Variants in HCN1 observed in about 807,000 individuals in gnomAD.
The protein encoded by HCN1 is potassium/sodium hyperpolarization-activated cyclic nucleotide-gated channel 1.
HCN1 carries 13 observed loss-of-function variants against 78.9 expected under a neutral mutation model. That is an observed-to-expected ratio of 0.16 (90% CI 0.11 to 0.26). The LOEUF is 0.26. Ranked by LOEUF, HCN1 falls within the 10% of genes least tolerant of loss-of-function variation. The pLI, the probability that HCN1 is intolerant of heterozygous loss-of-function variation, is 1.00. For missense variants in HCN1, 810 were observed against 1,154.3 expected (o/e 0.70, Z 4.32); for synonymous variants, 552 against 455.5 (o/e 1.21, Z -2.70).
intron 5 of HCN1, among the ~76,000 whole-genome samples, chr5:45,320,722 T>A (rs1746107253): frequency 6.6e-6 from 1 of 151,872 alleles, no homozygotes; most frequent in Admixed American, 6.6e-5. Context: ...TTTGTTTTTT[T>A]GAGTTATATA....
intron 2 of HCN1, among the ~76,000 whole-genome samples, chr5:45,523,583 T>A (rs1320723595): frequency 2.0e-5 from 3 of 152,148 alleles, no homozygotes; most frequent in Non-Finnish European, 2.9e-5. Flanking sequence ...CTCATTGTGG[T>A]TTTGATTTGC....
chr5:45,640,458 C>G (rs1314826155), intron 2 of HCN1, among the ~76,000 whole-genome samples: 3 of 151,966 alleles, frequency 2.0e-5, no homozygotes, highest in Admixed American at 6.6e-5. Context: ...CATTAGTAAC[C>G]AAATTATCAT....
chr5:45,287,358 A>C (rs1745288876), intron 6 of HCN1, among the ~76,000 whole-genome samples: 1 of 152,006 alleles, frequency 6.6e-6, no homozygotes, highest in South Asian at 2.1e-4. Context: ...AAATTTACAA[A>C]AATGTTTATG....
At chr5:45,432,744 C>A (rs1163967286) in intron 3 of HCN1, among the ~76,000 whole-genome samples, 1 of 151,948 alleles carries the variant, frequency 6.6e-6, no homozygotes, top group Admixed American at 6.6e-5. Flanking sequence ...GAGATAATCA[C>A]GTGGTTCTTG....
At chr5:45,479,022 G>C (rs923667545) in intron 2 of HCN1, among the ~76,000 whole-genome samples, 3 of 151,926 alleles carry the variant, frequency 2.0e-5, no homozygotes, top group Admixed American at 6.6e-5. Context: ...ACAGGAGGCT[G>C]AGACTGGAGA....
intron 2 of HCN1, among the ~76,000 whole-genome samples, chr5:45,521,518 T>A (rs1742614340): frequency 6.6e-6 from 1 of 152,000 alleles, no homozygotes; most frequent in Non-Finnish European, 1.5e-5. Context: ...GATGGCATTA[T>A]GTCTTTTCAT....
chr5:45,336,621 C>T (rs978224108), intron 5 of HCN1, among the ~76,000 whole-genome samples: 1 of 151,996 alleles, frequency 6.6e-6, no homozygotes, highest in African/African-American at 2.4e-5. Flanking sequence ...CTAGGTAGAA[C>T]CGGTGTAGCA....
At chr5:45,295,990 C>A (rs1309955270) in intron 6 of HCN1, among the ~76,000 whole-genome samples, 1 of 151,940 alleles carries the variant, frequency 6.6e-6, no homozygotes, top group Non-Finnish European at 1.5e-5. Context: ...TGTTGATATT[C>A]AAAGTAATGT....
At chr5:45,620,679 A>G (rs1056724233) in intron 2 of HCN1, among the ~76,000 whole-genome samples, 1 of 152,010 alleles carries the variant, frequency 6.6e-6, no homozygotes, top group Non-Finnish European at 1.5e-5. Flanking sequence ...AGCAAATCTC[A>G]GCAAAATTCC....
intron 1 of HCN1, among the ~76,000 whole-genome samples, chr5:45,679,399 T>C (rs1739659774): frequency 6.6e-6 from 1 of 152,084 alleles, no homozygotes; most frequent in Non-Finnish European, 1.5e-5. Flanking sequence ...TCACTGACTG[T>C]GTTGCCTTTC....
chr5:45,686,173 G>A (rs1161987685), intron 1 of HCN1, among the ~76,000 whole-genome samples: 2 of 150,860 alleles, frequency 1.3e-5, no homozygotes, highest in Non-Finnish European at 2.9e-5. Context: ...CTAAGGTGGT[G>A]AAGCTCAGAT....
intron 4 of HCN1, among the ~76,000 whole-genome samples, chr5:45,377,754 G>A (rs1216696029): frequency 2.0e-5 from 3 of 151,972 alleles, no homozygotes; most frequent in Non-Finnish European, 4.4e-5. Flanking sequence ...GTGACTGGGT[G>A]TTACTATAAA....
intron 5 of HCN1, among the ~76,000 whole-genome samples, chr5:45,343,405 T>A (rs147868904): frequency 2.1e-3 from 324 of 152,202 alleles, no homozygotes; most frequent in African/African-American, 7.6e-3. Context: ...AAGGGAACAG[T>A]GAAAATAGTC....
At chr5:45,398,689 G>A (rs1290087903) in intron 3 of HCN1, among the ~76,000 whole-genome samples, 1 of 152,114 alleles carries the variant, frequency 6.6e-6, no homozygotes, top group Admixed American at 6.6e-5. Flanking sequence ...AATTTAAAAT[G>A]CCTGTTTATA....
chr5:45,294,623 G>C (rs151035487), intron 6 of HCN1, among the ~76,000 whole-genome samples: 1 of 151,872 alleles, frequency 6.6e-6, no homozygotes. Flanking sequence ...TAAAATCAAA[G>C]TATTGGTACA....
chr5:45,332,962 T>C lies in HCN1; in HGVS notation c.1377+20138A>G, dbSNP rs1465265701. ...GCTGCAACAAACATGGAAGTGCAGATATCTCTCTGATATCTCATTTCCTTT... is the reference window on the plus strand; with the variant it reads ...GCTGCAACAAACATGGAAGTGCAGACATCTCTCTGATATCTCATTTCCTTT... On this transcript the variant is annotated intron_variant, in intron 5 of 7. Transcript: ENST00000303230. Among the ~76,000 whole-genome samples the C allele has an allele frequency of 4.6e-5, 7 of 151,772 alleles. No individual in the cohort carries two copies. In the East Asian group the frequency reaches 1.4e-3, roughly 29 times the overall value.
At chr5:45,519,048 C>T (rs1369358145) in intron 2 of HCN1, among the ~76,000 whole-genome samples, 2 of 151,320 alleles carry the variant, frequency 1.3e-5, no homozygotes, top group Non-Finnish European at 2.9e-5. Context: ...AGCTGATTGC[C>T]AGAACAAAAA....
rs1028624598 is a variant in HCN1, at chr5:45,258,553, T to G, written c.*3368A>C. 5.9e-5 allele frequency: 9 copies of G among 152,120 alleles called. No homozygotes were observed. Among genetic ancestry groups the G allele is most frequent in the Non-Finnish European group, 1.0e-4 (7 of 67,974 alleles). The allele number at this position is 152,120 out of a possible 1,614,324, so 9.4% of individuals were successfully genotyped here. ...GTTTTCAGGAATGCTTCACTACTTA[T>G]TCTCATTATGATAAACTCTATCTCA... On this transcript the variant is annotated 3_prime_UTR_variant, in exon 8 of 8. Transcript: ENST00000303230.
At chr5:45,316,476 T>A (rs988665200) in intron 5 of HCN1, among the ~76,000 whole-genome samples, 1 of 152,136 alleles carries the variant, frequency 6.6e-6, no homozygotes, top group Non-Finnish European at 1.5e-5. Context: ...GGGCAAAAAC[T>A]GGAAGCATTC....
Sources: gnomAD v4.1 joint callset for allele counts (sites outside exome capture counted in the v4.1 genomes callset) on GRCh38, gnomAD v4.1.1 for gene constraint, MANE v1.5 for transcripts, NCBI Gene and HGNC (gene_info 2026-07-23, HGNC 2026-07-21) for gene names.